The following ZNF845 variants were observed in gnomAD, a reference collection of about 807,000 sequenced individuals.
The protein encoded by ZNF845 is zinc finger protein 845.
A neutral mutation model predicts 76.1 loss-of-function variants in ZNF845; 59 were observed. The observed-to-expected ratio is 0.78, with a 90% CI of 0.63 to 0.96. The LOEUF (loss-of-function observed/expected upper bound fraction) is 0.96. Ranked by LOEUF, ZNF845 falls within the 40% of genes least tolerant of loss-of-function variation. The pLI, the probability that ZNF845 is intolerant of heterozygous loss-of-function variation, is 0.00. For synonymous variants in ZNF845, 361 were observed against 386.9 expected (o/e 0.93, Z 0.78); for missense variants, 1,045 against 1,172.8 (o/e 0.89, Z 1.59).
chr19:53,341,639 A>G (rs978784502), intron 2 of ZNF845, among the ~76,000 whole-genome samples: 1 of 152,108 alleles, frequency 6.6e-6, no homozygotes, highest in Non-Finnish European at 1.5e-5. Flanking sequence ...ATCTGGATGC[A>G]CTGTCAGCTC....
At position 53,351,040 on chromosome 19, in the gene ZNF845, G is replaced by A. The variant is rs1444295135; in HGVS notation, c.365G>A (p.Ser122Asn). 2 of 1,614,166 alleles carry A rather than the reference G, an allele frequency of 1.2e-6. No homozygotes were observed. The highest frequency in any genetic ancestry group is 2.2e-5 in the East Asian group (1 of 44,880). Residue 122 changes from serine (S) to asparagine (N), a missense_variant, in exon 4 of 4, where the codon AGT becomes AAT. By Grantham distance (46) the Ser-to-Asn change is conservative. Coordinates refer to ENST00000458035, the MANE Select transcript of ZNF845 (RefSeq NM_138374.3). ...ACAGAAATCAAACAGTTGACGGGTA[G>A]TACAAACCGACATGATCAAAGGCAT... ...PMTEIKQLTG[S>N]TNRHDQRHAG...
Position 53,352,669 on chromosome 19 carries a change from G to T in ZNF845, c.1994G>T (p.Cys665Phe). 6.2e-7 allele frequency: 1 copy of T among 1,613,916 alleles called. No homozygotes were observed. The highest frequency in any genetic ancestry group is 8.5e-7 in the Non-Finnish European group (1 of 1,179,902). The change falls in exon 4 of 4, where the codon TGT becomes TTT. Residue 665 changes from cysteine (C) to phenylalanine (F), a missense_variant. Coordinates refer to ENST00000458035, the MANE Select transcript of ZNF845 (RefSeq NM_138374.3). ...RIHTGEKPYRCNECGKTFSRK... is the reference protein window; with the variant it reads ...RIHTGEKPYRFNECGKTFSRK... ...CATACTGGAGAGAAACCTTACAGGT[G>T]TAATGAATGTGGCAAGACCTTTAGT...
chr19:53,351,886 T>G lies in ZNF845; in HGVS notation c.1211T>G (p.Leu404Arg). 1 of 1,613,276 alleles carries G rather than the reference T, an allele frequency of 6.2e-7. No homozygotes were observed. The highest frequency in any genetic ancestry group is 1.1e-5 in the South Asian group (1 of 91,028). ...RKSSLTRHRR[L>R]HTGEKPYKCN... Reference sequence around the variant, plus strand: ...TCATCCCTTACACGCCATCGTAGACTTCATACTGGAGAGAAACCTTATAAG... The same window carrying G: ...TCATCCCTTACACGCCATCGTAGACGTCATACTGGAGAGAAACCTTATAAG... The change falls in exon 4 of 4, where the codon CTT (leucine) becomes CGT (arginine). Residue 404 changes from leucine to arginine, a missense_variant. Coordinates refer to ENST00000458035, the MANE Select transcript of ZNF845 (RefSeq NM_138374.3).
Position 53,353,520 on chromosome 19 carries a change from G to A in ZNF845, c.2845G>A (p.Gly949Ser). 1.2e-6 allele frequency: 2 copies of A among 1,612,984 alleles called. No individual in the cohort carries two copies. Among genetic ancestry groups the A allele is most frequent in the Non-Finnish European group, 1.7e-6 (2 of 1,179,456 alleles). ...GEKPYKCNECGKVFNRKAKLA... is the reference protein window; with the variant it reads ...GEKPYKCNECSKVFNRKAKLA... ...GAAACCTTACAAGTGTAATGAATGTGGCAAGGTTTTTAATCGAAAAGCAAA... is the reference window on the plus strand; with the variant it reads ...GAAACCTTACAAGTGTAATGAATGTAGCAAGGTTTTTAATCGAAAAGCAAA... The change falls in exon 4 of 4, where the codon GGC (glycine) becomes AGC (serine). Residue 949 changes from glycine (G) to serine (S), a missense_variant. Gly to Ser is a moderately conservative substitution (Grantham distance 56, BLOSUM62 0). Transcript: ENST00000458035.
rs1332945227 is a variant in ZNF845, at chr19:53,351,374, T to C, written c.699T>C (p.His233=). 1.2e-6 allele frequency: 2 copies of C among 1,614,190 alleles called. No homozygotes were observed. The highest frequency in any genetic ancestry group is 1.1e-5 in the South Asian group (1 of 91,084). ...AFNYSSVLRK[H]QIIHLGAKQY... is the part of the protein sequence containing the mutation. The stretch of plus-strand genomic sequence containing the variant: ...ATTATAGCTCAGTCTTAAGGAAACA[T>C]CAGATAATCCATTTAGGAGCGAAAC... The change falls in exon 4 of 4, where the codon CAT becomes CAC. Residue 233 remains histidine (H), a synonymous_variant. Transcript: ENST00000458035.
Position 53,345,622 on chromosome 19 carries a change from G to A in ZNF845, c.132G>A (p.Leu44=), listed in dbSNP as rs1771661497. 6.2e-7 allele frequency: 1 copy of A among 1,613,580 alleles called. No homozygotes were observed. The highest frequency in any genetic ancestry group is 8.5e-7 in the Non-Finnish European group (1 of 1,179,778). ...RDVMLENYRN[L]VSLDISSKCM... The stretch of plus-strand genomic sequence containing the variant: ...TGATGCTGGAGAATTATAGGAACCT[G>A]GTCTCCCTGGGTGAGGATAACTTCC... Residue 44 remains leucine (L), a synonymous_variant, in exon 3 of 4, where the codon CTG becomes CTA. Coordinates refer to ENST00000458035, the MANE Select transcript of ZNF845 (RefSeq NM_138374.3).
At chr19:53,338,336 G>C (rs1382276014) in intron 1 of ZNF845, among the ~76,000 whole-genome samples, 1 of 152,140 alleles carries the variant, frequency 6.6e-6, no homozygotes, top group East Asian at 1.9e-4. Context: ...TTTGTCATCT[G>C]TGTCACTGCC....
intron 2 of ZNF845, among the ~76,000 whole-genome samples, chr19:53,343,691 G>T (rs1261839065): frequency 6.6e-6 from 1 of 151,878 alleles, no homozygotes; most frequent in African/African-American, 2.4e-5. Context: ...TTTATTTTTT[G>T]AATATCTGGG....
chr19:53,334,734 C>T (rs1321449801), intron 1 of ZNF845, among the ~76,000 whole-genome samples: 2 of 114,016 alleles, frequency 1.8e-5, no homozygotes, highest in African/African-American at 6.7e-5. Flanking sequence ...GACCCCCCCC[C>T]CCATCTCTGT....
Position 53,341,240 on chromosome 19 carries a change from A to G in ZNF845, c.-68A>G. The G allele has an allele frequency of 1.3e-6, 2 of 1,593,170 alleles. No homozygotes were observed. The highest frequency in any genetic ancestry group is 1.7e-6 in the Non-Finnish European group (2 of 1,161,662). On this transcript the variant is annotated 5_prime_UTR_variant, in exon 2 of 4. Coordinates refer to ENST00000458035, the MANE Select transcript of ZNF845 (RefSeq NM_138374.3). ...AACATATTTTTAACATTCAGGATTGACTTCTAAAGACTCTTGGTACGTGAG... is the reference window on the plus strand; with the variant it reads ...AACATATTTTTAACATTCAGGATTGGCTTCTAAAGACTCTTGGTACGTGAG...
chr19:53,341,472 CT>C, intron 2 of ZNF845, 150 bp downstream of exon 2: 1 of 1,279,102 alleles, frequency 7.8e-7, no homozygotes, highest in Non-Finnish European at 1.1e-6. Context: ...TCTCATCTCG[CT>C]TAGATTCCAT....
At position 53,353,518 on chromosome 19, in the gene ZNF845, G is replaced by T; in HGVS notation, c.2843G>T (p.Cys948Phe). The T allele has an allele frequency of 2.5e-6, 4 of 1,613,174 alleles. No homozygotes were observed. In the South Asian group the frequency reaches 4.4e-5, roughly 18 times the overall value. ...GAGAAACCTTACAAGTGTAATGAATGTGGCAAGGTTTTTAATCGAAAAGCA... is the reference window on the plus strand; with the variant it reads ...GAGAAACCTTACAAGTGTAATGAATTTGGCAAGGTTTTTAATCGAAAAGCA... ...TGEKPYKCNECGKVFNRKAKL... is the reference protein window; with the variant it reads ...TGEKPYKCNEFGKVFNRKAKL... Residue 948 changes from cysteine to phenylalanine, a missense_variant, in exon 4 of 4, where the codon TGT becomes TTT. Physicochemically the swap from Cys to Phe is radical, Grantham distance 205. Transcript: ENST00000458035.
chr19:53,339,159 G>C (rs2085238530), intron 1 of ZNF845, among the ~76,000 whole-genome samples: 1 of 152,018 alleles, frequency 6.6e-6, no homozygotes, highest in African/African-American at 2.4e-5. Flanking sequence ...TTTCCACAAA[G>C]AGGGGCCACT....
chr19:53,335,440 T>C (rs2085206595), intron 1 of ZNF845, among the ~76,000 whole-genome samples: 1 of 151,912 alleles, frequency 6.6e-6, no homozygotes, highest in Non-Finnish European at 1.5e-5. Context: ...TTTGTATTTT[T>C]TTTTTGTAGA....
At chr19:53,346,339 G>A (rs1030609379) in intron 3 of ZNF845, 6 of 426,120 alleles carry the variant, frequency 1.4e-5, no homozygotes, top group Admixed American at 5.3e-5. Flanking sequence ...CGCCAAGGCA[G>A]CAGTGCCGTA....
intron 3 of ZNF845, among the ~76,000 whole-genome samples, chr19:53,347,275 C>CTTTTTTTTTTTTT (rs778703414): frequency 2.8e-5 from 4 of 141,640 alleles, no homozygotes; most frequent in East Asian, 2.1e-4. Flanking sequence ...TTCTTTCTTT[C>CTTTTTTTTTTTTT]TTTTTTTTTT....
intron 3 of ZNF845, 118 bp from the exon 4 acceptor site, chr19:53,350,700 T>G (rs781201538): frequency 7.3e-7 from 1 of 1,363,302 alleles, no homozygotes. Context: ...TCCTAAACTT[T>G]CAAGATAATG....
rs931526813 is a variant in ZNF845 at position 53,355,223 on chromosome 19, A to G, written c.*1635A>G. ...CACCGCACCCAGCCAGTGATTTTCT[A>G]TATAGAATGTCGTATCATCTACAAG... On this transcript the variant is annotated 3_prime_UTR_variant, in exon 4 of 4. Transcript: ENST00000458035. The G allele has an allele frequency of 3.3e-5, 5 of 151,890 alleles. No individual in the cohort carries two copies. Among genetic ancestry groups the G allele is most frequent in the South Asian group, 4.2e-4 (2 of 4,784 alleles). The allele number at this position is 151,890 out of a possible 1,614,324, so 9.4% of individuals were successfully genotyped here.
Position 53,340,520 on chromosome 19 carries a change from G to A in ZNF845, c.-73-715G>A, listed in dbSNP as rs1338208683. Among the ~76,000 whole-genome samples the A allele has an allele frequency of 3.3e-5, 5 of 152,076 alleles. No homozygotes were observed. In the East Asian group the frequency reaches 9.6e-4, roughly 29 times the overall value. ...GGTGACTTCCCGAACTTCCGTAAACGCATTCCCCCATGCTCCTGCCCTTCT... is the reference window on the plus strand; with the variant it reads ...GGTGACTTCCCGAACTTCCGTAAACACATTCCCCCATGCTCCTGCCCTTCT... On this transcript the variant is annotated intron_variant, in intron 1 of 3. Transcript: ENST00000458035.
Sources: allele counts gnomAD v4.1 joint callset (sites outside exome capture counted in the v4.1 genomes callset), GRCh38; gene constraint gnomAD v4.1.1; transcripts MANE v1.5; gene names NCBI Gene and HGNC (gene_info 2026-07-23, HGNC 2026-07-21).